Variants in KCNMB2 observed in about 807,000 individuals in gnomAD.
KCNMB2 encodes potassium calcium-activated channel subfamily M regulatory beta subunit 2, also known as calcium-activated potassium channel subunit beta-2.
KCNMB2 carries 9 observed loss-of-function variants against 24.5 expected under a neutral mutation model. The observed-to-expected ratio is 0.37, with a 90% CI of 0.22 to 0.64. KCNMB2 has a LOEUF of 0.64. KCNMB2 is among the 30% of genes least tolerant of loss of function. The probability of loss-of-function intolerance (pLI) is 0.63; values close to 1 mark genes in which losing one functional copy is unlikely to be tolerated. For synonymous variants in KCNMB2, 109 were observed against 104.4 expected, an observed-to-expected ratio of 1.04 and a Z score of -0.27; for missense variants, 226 against 284.3, an observed-to-expected ratio of 0.79 and a Z score of 1.47.
At chr3:178,763,036 G>T (rs1237182580) in intron 1 of KCNMB2, among the ~76,000 whole-genome samples, 2 of 152,020 alleles carry the variant, frequency 1.3e-5, no homozygotes, top group Non-Finnish European at 2.9e-5. Flanking sequence ...AGCGATAGAT[G>T]ATAATTAAAG....
chr3:178,605,080 T>C (rs946205810), intron 1 of KCNMB2, among the ~76,000 whole-genome samples: 3 of 152,202 alleles, frequency 2.0e-5, no homozygotes, highest in African/African-American at 7.2e-5. Context: ...TAGGACCTGC[T>C]ACAGACTGAA....
At chr3:178,598,019 G>A (rs1057418235) in intron 1 of KCNMB2, among the ~76,000 whole-genome samples, 13 of 148,900 alleles carry the variant, frequency 8.7e-5, no homozygotes, top group African/African-American at 3.0e-4. Flanking sequence ...TGATGATAAA[G>A]AATTCAGGAA....
rs1577080587 is a variant in KCNMB2, at chr3:178,662,705, TTTCACTACTA to T, written c.-68+125995_-68+126004del. Among the ~76,000 whole-genome samples the T allele has an allele frequency of 2.6e-5, 4 of 152,200 alleles. No homozygotes were observed. In the East Asian group the frequency reaches 5.8e-4, roughly 22 times the overall value. On this transcript the variant is annotated intron_variant, in intron 1 of 4. Coordinates refer to ENST00000452583, the MANE Select transcript of KCNMB2 (RefSeq NM_181361.3). ...TAACAAATATGAAAAAATTACACTA[TTTCACTACTA>T]ATTTAATGATTTTTAATTATAATAA... is the stretch of plus-strand genomic sequence containing the variant.
intron 1 of KCNMB2, among the ~76,000 whole-genome samples, chr3:178,565,941 T>C (rs1265410396): frequency 6.6e-6 from 1 of 152,076 alleles, no homozygotes; most frequent in Non-Finnish European, 1.5e-5. Flanking sequence ...ATATAAAAAA[T>C]TCAGAAATAT....
chr3:178,571,901 A>G (rs1034611261), intron 1 of KCNMB2, among the ~76,000 whole-genome samples: 8 of 152,112 alleles, frequency 5.3e-5, no homozygotes, highest in Non-Finnish European at 8.8e-5. Flanking sequence ...TATGATATAC[A>G]TGTGCCAAAT....
chr3:178,637,753 G>T (rs1719580652), intron 1 of KCNMB2, among the ~76,000 whole-genome samples: 2 of 152,080 alleles, frequency 1.3e-5, no homozygotes, highest in African/African-American at 4.8e-5. Flanking sequence ...GAAACCCAAG[G>T]CTCATAACAA....
intron 1 of KCNMB2, among the ~76,000 whole-genome samples, chr3:178,684,306 A>G (rs1425657986): frequency 2.4e-5 from 3 of 126,786 alleles, no homozygotes; most frequent in Non-Finnish European, 4.8e-5. Context: ...AAATATAGAG[A>G]GATAGAGAAC....
chr3:178,814,788 C>T (rs571839783), intron 2 of KCNMB2, among the ~76,000 whole-genome samples: 1 of 152,090 alleles, frequency 6.6e-6, no homozygotes, highest in Non-Finnish European at 1.5e-5. Context: ...AGTGTCTGTT[C>T]ACGTCCTTTG....
intron 1 of KCNMB2, among the ~76,000 whole-genome samples, chr3:178,781,551 C>T (rs1438575890): frequency 6.6e-6 from 1 of 151,928 alleles, no homozygotes; most frequent in Non-Finnish European, 1.5e-5. Flanking sequence ...AAGATTGTGC[C>T]ACTGCACTCC....
At position 178,774,715 on chromosome 3, in the gene KCNMB2, T is replaced by C. The variant is rs1712512504; in HGVS notation, c.-67-32628T>C. 1.3e-5 allele frequency among the ~76,000 whole-genome samples: 2 copies of C among 152,234 alleles called. 1 individual carries two copies. Among genetic ancestry groups the C allele is most frequent in the African/African-American group, 4.8e-5 (2 of 41,468 alleles). On this transcript the variant is annotated intron_variant, in intron 1 of 4. Coordinates refer to ENST00000452583, the MANE Select transcript of KCNMB2 (RefSeq NM_181361.3). Reference sequence around the variant, plus strand: ...GCCAAGAAACACTTCTACTTCCTTGTTCCCCATTTAAACTTGAAATGACTT... The same window carrying C: ...GCCAAGAAACACTTCTACTTCCTTGCTCCCCATTTAAACTTGAAATGACTT...
chr3:178,757,069 T>A (rs1030739634), intron 1 of KCNMB2: 1 of 151,516 alleles, frequency 6.6e-6, no homozygotes, highest in Non-Finnish European at 1.5e-5. Context: ...ATTACACCCA[T>A]CCTTGCTTAC....
At chr3:178,827,695 C>G (rs1461313898) in intron 3 of KCNMB2, among the ~76,000 whole-genome samples, 1 of 152,148 alleles carries the variant, frequency 6.6e-6, no homozygotes, top group East Asian at 1.9e-4. Context: ...CCACATGACC[C>G]TCCACTCCTT....
intron 1 of KCNMB2, among the ~76,000 whole-genome samples, chr3:178,759,307 C>A (rs1277177444): frequency 2.1e-5 from 2 of 95,920 alleles, no homozygotes; most frequent in Non-Finnish European, 2.0e-5. Flanking sequence ...ATATATATAT[C>A]TCCAAGAGGA....
At chr3:178,799,111 A>G (rs1360601725) in intron 1 of KCNMB2, among the ~76,000 whole-genome samples, 1 of 152,164 alleles carries the variant, frequency 6.6e-6, no homozygotes, top group East Asian at 1.9e-4. Context: ...TTTCTCTAAT[A>G]TCTGGAACAC....
intron 1 of KCNMB2, among the ~76,000 whole-genome samples, chr3:178,802,946 A>C (rs1713827786): frequency 6.6e-6 from 1 of 152,208 alleles, no homozygotes; most frequent in Non-Finnish European, 1.5e-5. Context: ...ACAAAAAGAG[A>C]AAATTCAATC....
At chr3:178,775,913 TA>T (rs532263522) in intron 1 of KCNMB2, among the ~76,000 whole-genome samples, 13 of 152,302 alleles carry the variant, frequency 8.5e-5, no homozygotes, top group Admixed American at 7.2e-4. Flanking sequence ...CTTTCATTTA[TA>T]ATTTTCAGAG....
At chr3:178,785,798 G>GAT (rs1479490526) in intron 1 of KCNMB2, among the ~76,000 whole-genome samples, 1 of 151,986 alleles carries the variant, frequency 6.6e-6, no homozygotes, top group African/African-American at 2.4e-5. Flanking sequence ...GGTATATTAG[G>GAT]ATATATAAAA....
At chr3:178,691,608 T>G (rs1007912049) in intron 1 of KCNMB2, among the ~76,000 whole-genome samples, 2 of 152,224 alleles carry the variant, frequency 1.3e-5, no homozygotes, top group African/African-American at 2.4e-5. Flanking sequence ...TATGGCTGCA[T>G]AGTATTCCAT....
chr3:178,768,694 G>C (rs571814116), intron 1 of KCNMB2, among the ~76,000 whole-genome samples: 2 of 152,094 alleles, frequency 1.3e-5, no homozygotes, highest in African/African-American at 4.8e-5. Context: ...AAGGAGCTCT[G>C]CCCATTTCTA....
Sources: allele counts gnomAD v4.1 joint callset (sites outside exome capture counted in the v4.1 genomes callset), GRCh38; gene constraint gnomAD v4.1.1; transcripts MANE v1.5; gene names NCBI Gene and HGNC (gene_info 2026-07-23, HGNC 2026-07-21).